Variants in TPX2 observed in about 807,000 individuals in gnomAD.
The protein encoded by TPX2 is TPX2 microtubule nucleation factor.
In TPX2, 21 loss-of-function variants were observed where a neutral mutation model predicts 93.6. The ratio of observed to expected loss-of-function variants is 0.22; its 90% confidence interval spans 0.16 to 0.32. The LOEUF (loss-of-function observed/expected upper bound fraction) is 0.32, where lower values mean the gene tolerates loss of function less well. Ranked by LOEUF, TPX2 falls within the 10% of genes least tolerant of loss-of-function variation. TPX2 has a pLI of 1.00. For missense variants in TPX2, 776 were observed against 871.1 expected, an observed-to-expected ratio of 0.89 and a Z score of 1.37; for synonymous variants, 281 against 298.3, an observed-to-expected ratio of 0.94 and a Z score of 0.60.
chr20:31,796,228 T>C (rs2062138084), intron 15 of TPX2, among the ~76,000 whole-genome samples: 1 of 152,218 alleles, frequency 6.6e-6, no homozygotes, highest in African/African-American at 2.4e-5. Flanking sequence ...ATGAAAAGTC[T>C]TGTTTCATCC....
At position 31,761,799 on chromosome 20, in the gene TPX2, A is replaced by G. The variant is rs183214576; in HGVS notation, c.229+1620A>G. Reference sequence around the variant, plus strand: ...AGGGGGATTGCTGGATCATATGGTAATTATATTTTTAATTTTTTGAGGAGC... The same window carrying G: ...AGGGGGATTGCTGGATCATATGGTAGTTATATTTTTAATTTTTTGAGGAGC... On this transcript the variant is annotated intron_variant, in intron 4 of 17. Coordinates refer to ENST00000300403, the MANE Select transcript of TPX2 (RefSeq NM_012112.5). Among the ~76,000 whole-genome samples the G allele has an allele frequency of 1.5e-3, 223 of 152,186 alleles. 1 individual carries two copies. The highest frequency in any genetic ancestry group is 5.1e-3 in the African/African-American group (212 of 41,526).
chr20:31,783,176 G>C (rs893204794), intron 11 of TPX2, among the ~76,000 whole-genome samples: 4 of 152,068 alleles, frequency 2.6e-5, no homozygotes, highest in African/African-American at 7.2e-5. Flanking sequence ...GTGAAGTGAA[G>C]CCTCAATTCT....
Position 31,783,917 on chromosome 20 carries a change from T to G in TPX2, c.1409T>G (p.Val470Gly), listed in dbSNP as rs773838940. The change falls in exon 12 of 18, where the codon GTT (valine) becomes GGT (glycine). Residue 470 changes from valine to glycine, a missense_variant. Physicochemically the swap from Val to Gly is moderately radical, Grantham distance 109. Around this residue, in one of 3 missense-constraint regions of TPX2, gnomAD observed 461 missense variants for 551.2 expected, o/e 0.84. Coordinates refer to ENST00000300403, the MANE Select transcript of TPX2 (RefSeq NM_012112.5). ...TGCCCTACTAAGATTTTGGAAGATG[T>G]TGTGGTAAGGTTGAGGCTATGTGTG... is the stretch of plus-strand genomic sequence containing the variant. ...RPCPTKILEDVVGVPEKKVLP... is the reference protein window; with the variant it reads ...RPCPTKILEDGVGVPEKKVLP... 1 of 1,613,314 alleles carries G rather than the reference T, an allele frequency of 6.2e-7. No homozygotes were observed. Among genetic ancestry groups the G allele is most frequent in the Non-Finnish European group, 8.5e-7 (1 of 1,179,900 alleles).
Position 31,747,769 on chromosome 20 carries a change from C to CTTTT in TPX2, c.-71+5139_-71+5142dup, listed in dbSNP as rs1236018315. Among the ~76,000 whole-genome samples the CTTTT allele has an allele frequency of 3.2e-5, 4 of 124,532 alleles. 1 individual carries two copies. Among genetic ancestry groups the CTTTT allele is most frequent in the Non-Finnish European group, 5.1e-5 (3 of 58,752 alleles). 81.7% of individuals were successfully genotyped at this position (124,532 alleles called of 152,430 possible). A position where few individuals can be genotyped will look rare whatever the true frequency, so the allele number is the denominator to read the frequency against. ...GGGGGAATGTGGTTGACGCATGTGCCTTTTTTTTTTTTTTTTTTTTGGTGA... is the reference window on the plus strand; with the variant it reads ...GGGGGAATGTGGTTGACGCATGTGCCTTTTTTTTTTTTTTTTTTTTTTTTGGTGA... On this transcript the variant is annotated intron_variant, in intron 2 of 17. Coordinates refer to ENST00000300403, the MANE Select transcript of TPX2 (RefSeq NM_012112.5).
intron 5 of TPX2, among the ~76,000 whole-genome samples, chr20:31,769,860 C>T (rs1332316825): frequency 2.0e-5 from 3 of 152,302 alleles, no homozygotes; most frequent in East Asian, 1.9e-4. Context: ...TGCAGTGGCA[C>T]GCTCATGGCT....
At chr20:31,780,527 A>G (rs1219579816) in intron 10 of TPX2, among the ~76,000 whole-genome samples, 1 of 152,224 alleles carries the variant, frequency 6.6e-6, no homozygotes, top group Non-Finnish European at 1.5e-5. Context: ...CTTTCAGAAT[A>G]CTAGTCCTGG....
chr20:31,760,269 T>C (rs555061493), intron 4 of TPX2, 90 bp downstream of exon 4: 19 of 1,519,650 alleles, frequency 1.3e-5, no homozygotes, highest in Non-Finnish European at 1.5e-5. Flanking sequence ...ACCTAAATGC[T>C]CTATCTCTTT....
rs2122925899 is a variant in TPX2, at chr20:31,739,635, T to C, written c.-178+14T>C. 6.6e-6 allele frequency: 1 copy of C among 152,336 alleles called. No individual in the cohort carries two copies. The allele number at this position is 152,336 out of a possible 1,614,324, so 9.4% of individuals were successfully genotyped here. ...CGGCTAATAACGGTAACGATAATTATTGTTATTACCATGCTAACAGGTTAT... is the reference window on the plus strand; with the variant it reads ...CGGCTAATAACGGTAACGATAATTACTGTTATTACCATGCTAACAGGTTAT... On this transcript the variant is annotated intron_variant, in intron 1 of 17. Coordinates refer to ENST00000300403, the MANE Select transcript of TPX2 (RefSeq NM_012112.5).
intron 2 of TPX2, among the ~76,000 whole-genome samples, chr20:31,751,819 T>C (rs2061821731): frequency 6.6e-6 from 1 of 152,234 alleles, no homozygotes; most frequent in Non-Finnish European, 1.5e-5. Context: ...CTCAGCTCAC[T>C]GCAACCTTCG....
At chr20:31,760,508 CTCAACA>C (rs1299409993) in intron 4 of TPX2, among the ~76,000 whole-genome samples, 1 of 151,972 alleles carries the variant, frequency 6.6e-6, no homozygotes, top group Non-Finnish European at 1.5e-5. Context: ...ACTACAGGTG[CTCAACA>C]CCATGCCTGA....
chr20:31,760,618 C>A (rs941065853), intron 4 of TPX2, among the ~76,000 whole-genome samples: 3 of 152,132 alleles, frequency 2.0e-5, no homozygotes, highest in South Asian at 2.1e-4. Context: ...CAGGGGCTTC[C>A]CAAAGTGCTG....
intron 4 of TPX2, among the ~76,000 whole-genome samples, 194 bp from the exon 5 acceptor site, chr20:31,766,362 A>C (rs924253628): frequency 2.0e-5 from 3 of 151,882 alleles, no homozygotes; most frequent in Non-Finnish European, 2.9e-5. Context: ...CAAGCCCTGG[A>C]TACATCATTT....
chr20:31,758,976 C>A (rs2061869702), intron 3 of TPX2, among the ~76,000 whole-genome samples: 1 of 151,946 alleles, frequency 6.6e-6, no homozygotes, highest in African/African-American at 2.4e-5. Flanking sequence ...ACTATTTTTC[C>A]AAAACTACCT....
At position 31,801,152 on chromosome 20, in the gene TPX2, C is replaced by A; in HGVS notation, c.*72C>A. On this transcript the variant is annotated 3_prime_UTR_variant, in exon 18 of 18. Transcript: ENST00000300403. Reference sequence around the variant, plus strand: ...TAACCTCAAACCTAGGACCGTCTTGCTTTGTCATTGGGCATGGAGAGAACC... The same window carrying A: ...TAACCTCAAACCTAGGACCGTCTTGATTTGTCATTGGGCATGGAGAGAACC... 2 of 1,384,424 alleles carry A rather than the reference C, an allele frequency of 1.4e-6. No individual in the cohort carries two copies. Among genetic ancestry groups the A allele is most frequent in the Admixed American group, 1.7e-5 (1 of 59,086 alleles). The allele number at this position is 1,384,424 out of a possible 1,614,324, so 85.8% of individuals were successfully genotyped here.
intron 2 of TPX2, among the ~76,000 whole-genome samples, chr20:31,754,262 G>A (rs897554753): frequency 6.6e-6 from 1 of 152,110 alleles, no homozygotes; most frequent in African/African-American, 2.4e-5. Context: ...TGTATTTTCA[G>A]TAGAGATGGA....
chr20:31,768,394 C>A (rs1047503089), intron 5 of TPX2, among the ~76,000 whole-genome samples: 22 of 149,230 alleles, frequency 1.5e-4, no homozygotes, highest in Non-Finnish European at 1.5e-5. Flanking sequence ...CGCCACTACG[C>A]GCGGCTAATT....
intron 2 of TPX2, among the ~76,000 whole-genome samples, chr20:31,747,325 G>C (rs2061789848): frequency 6.6e-6 from 1 of 152,090 alleles, no homozygotes; most frequent in Admixed American, 6.6e-5. Context: ...TCACCATGTT[G>C]GCCTGGCTGA....
chr20:31,750,221 G>A (rs1276120437), intron 2 of TPX2, among the ~76,000 whole-genome samples: 3 of 151,488 alleles, frequency 2.0e-5, no homozygotes, highest in South Asian at 2.1e-4. Context: ...GCGATGGTGC[G>A]ATCTTGGCTC....
chr20:31,760,572 G>A (rs1251821453), intron 4 of TPX2, among the ~76,000 whole-genome samples: 1 of 152,040 alleles, frequency 6.6e-6, no homozygotes, highest in Admixed American at 6.6e-5. Context: ...AGCCAAGCTG[G>A]TCTTGACCTC....
Sources: allele counts gnomAD v4.1 joint callset (sites outside exome capture counted in the v4.1 genomes callset), GRCh38; gene constraint gnomAD v4.1.1; regional missense constraint gnomAD v4.1.1; transcripts MANE v1.5; gene names NCBI Gene and HGNC (gene_info 2026-07-23, HGNC 2026-07-21).